The following AXDND1 variants were observed in gnomAD, a reference collection of about 807,000 sequenced individuals.
The protein encoded by AXDND1 is axonemal dynein light chain domain containing 1, also known as axonemal dynein light chain domain-containing protein 1.
AXDND1 carries 110 observed loss-of-function variants against 137.5 expected under a neutral mutation model. The ratio of observed to expected loss-of-function variants is 0.80; its 90% CI spans 0.69 to 0.94. The LOEUF (loss-of-function observed/expected upper bound fraction) is 0.94, where lower values mean the gene tolerates loss of function less well. Ranked by LOEUF, AXDND1 falls within the 40% of genes least tolerant of loss-of-function variation. The pLI, the probability that AXDND1 is intolerant of heterozygous loss-of-function variation, is 0.00. For missense variants in AXDND1, 1,191 were observed against 1,169.8 expected (o/e 1.02, Z -0.26); for synonymous variants, 414 against 399.7 (o/e 1.04, Z -0.43).
chr1:179,527,808 C>T (rs554192063), intron 22 of AXDND1, among the ~76,000 whole-genome samples: 19 of 152,240 alleles, frequency 1.2e-4, no homozygotes, highest in African/African-American at 4.6e-4. Context: ...GATAAGACCC[C>T]TTTTCTGGTA....
intron 11 of AXDND1, among the ~76,000 whole-genome samples, chr1:179,403,675 G>C (rs1251294842): frequency 6.6e-5 from 10 of 152,182 alleles, no homozygotes; most frequent in African/African-American, 2.4e-4. Flanking sequence ...CTGAATTCAA[G>C]TGATTCTCCT....
At chr1:179,546,498 TCTG>T (rs754542109) in intron 25 of AXDND1, among the ~76,000 whole-genome samples, 19 of 143,372 alleles carry the variant, frequency 1.3e-4, no homozygotes, top group Non-Finnish European at 2.5e-4. Context: ...GGGAGGAACT[TCTG>T]CTGCTCATCA....
intron 12 of AXDND1, among the ~76,000 whole-genome samples, chr1:179,422,222 T>C (rs1655858870): frequency 1.3e-5 from 2 of 152,198 alleles, no homozygotes; most frequent in South Asian, 4.1e-4. Flanking sequence ...TTCCCGTCTT[T>C]CTATCATTTT....
rs1046819029 is a variant in AXDND1 at position 179,372,085 on chromosome 1, G to A, written c.374+2007G>A. 3.9e-5 allele frequency among the ~76,000 whole-genome samples: 6 copies of A among 152,152 alleles called. 1 individual carries two copies. Among genetic ancestry groups the A allele is most frequent in the African/African-American group, 1.4e-4 (6 of 41,422 alleles). ...TAAGATGCTAAATTTGTGGTAATTT[G>A]TTATGGCACCAATAGAAAACTAATG... On this transcript the variant is annotated intron_variant, in intron 4 of 25. Transcript: ENST00000367618.
chr1:179,502,867 G>A (rs533575333), intron 20 of AXDND1, among the ~76,000 whole-genome samples: 3 of 151,854 alleles, frequency 2.0e-5, no homozygotes, highest in East Asian at 1.9e-4. Flanking sequence ...AGGCTGAGAC[G>A]GGTGGATCAC....
At chr1:179,432,478 C>T (rs112732064) in intron 15 of AXDND1, 136 bp downstream of exon 15, 71 of 1,236,234 alleles carry the variant, frequency 5.7e-5, no homozygotes, top group African/African-American at 2.5e-4. Flanking sequence ...CAGGCTGGAG[C>T]GCAGTAGTGT....
intron 23 of AXDND1, among the ~76,000 whole-genome samples, chr1:179,531,405 T>C (rs113775262): frequency 1.2e-4 from 18 of 152,236 alleles, no homozygotes; most frequent in African/African-American, 3.9e-4. Context: ...AGTTTAGTAG[T>C]TTAGTTTTGG....
At chr1:179,438,184 A>C (rs1043684015) in intron 15 of AXDND1, among the ~76,000 whole-genome samples, 1 of 152,164 alleles carries the variant, frequency 6.6e-6, no homozygotes, top group African/African-American at 2.4e-5. Context: ...AAATAAATAC[A>C]TAAAAATAAA....
intron 12 of AXDND1, among the ~76,000 whole-genome samples, chr1:179,414,255 G>T (rs984164312): frequency 1.3e-4 from 20 of 151,738 alleles, no homozygotes; most frequent in Admixed American, 1.2e-3. Flanking sequence ...TGCAAAGAGG[G>T]AATAAATTTA....
intron 12 of AXDND1, among the ~76,000 whole-genome samples, chr1:179,426,443 G>A (rs1656581849): frequency 6.6e-6 from 1 of 152,080 alleles, no homozygotes; most frequent in Admixed American, 6.5e-5. Flanking sequence ...CTTAGCATAT[G>A]GGCAAACATA....
At chr1:179,432,444 GA>G in intron 15 of AXDND1, 102 bp downstream of exon 15, 6 of 1,370,886 alleles carry the variant, frequency 4.4e-6, no homozygotes, top group Non-Finnish European at 5.7e-6. Context: ...TTTTTTTTGG[GA>G]CGTTGTCTCA....
intron 15 of AXDND1, among the ~76,000 whole-genome samples, chr1:179,438,171 A>AATAAATACATAAATAC (rs113563095): frequency 2.6e-5 from 4 of 151,318 alleles, no homozygotes; most frequent in African/African-American, 9.7e-5. Flanking sequence ...TAAATAAATA[A>AATAAATACATAAATAC]ATAAATAAAT....
At chr1:179,384,458 A>G (rs765154347) in intron 8 of AXDND1, among the ~76,000 whole-genome samples, 25 of 152,278 alleles carry the variant, frequency 1.6e-4, no homozygotes, top group South Asian at 8.3e-4. Flanking sequence ...TATTTTATCA[A>G]TTGTCTCTGT....
intron 4 of AXDND1, among the ~76,000 whole-genome samples, chr1:179,371,857 G>T (rs1392199315): frequency 6.6e-6 from 1 of 152,142 alleles, no homozygotes; most frequent in African/African-American, 2.4e-5. Flanking sequence ...CAGCTCAGTC[G>T]CCAACTGTCA....
At chr1:179,518,385 CTT>C (rs71114530) in intron 21 of AXDND1, among the ~76,000 whole-genome samples, 1 of 145,146 alleles carries the variant, frequency 6.9e-6, no homozygotes, top group African/African-American at 2.6e-5. Flanking sequence ...TTTCCTTTTT[CTT>C]TTTTTTTTTT....
At chr1:179,490,547 CTAAA>C (rs1310099574) in intron 18 of AXDND1, among the ~76,000 whole-genome samples, 1 of 152,196 alleles carries the variant, frequency 6.6e-6, no homozygotes, top group Admixed American at 6.5e-5. Context: ...AAACCGCTTA[CTAAA>C]TATTTAATGT....
chr1:179,418,613 G>A (rs1292880614), intron 12 of AXDND1, among the ~76,000 whole-genome samples: 10 of 151,332 alleles, frequency 6.6e-5, no homozygotes, highest in East Asian at 2.0e-4. Flanking sequence ...CTGGCCGGGC[G>A]GGGGGCTGAC....
rs79912232 is a variant in AXDND1, at chr1:179,407,222, T to C, written c.1110-3924T>C. Among the ~76,000 whole-genome samples the C allele has an allele frequency of 8.6e-3, 1,311 of 152,054 alleles. 41 individuals are homozygous for C. The highest frequency in any genetic ancestry group is 0.056 in the Admixed American group (848 of 15,268). ...CAGAATTCTTGGCTAGCAGGGTTTTTTTTCTTTCTTTTTTTTTTTGTTTTG... is the reference window on the plus strand; with the variant it reads ...CAGAATTCTTGGCTAGCAGGGTTTTCTTTCTTTCTTTTTTTTTTTGTTTTG... On this transcript the variant is annotated intron_variant, in intron 11 of 25. Coordinates refer to ENST00000367618, the MANE Select transcript of AXDND1 (RefSeq NM_144696.6).
At chr1:179,471,207 G>A (rs770175185) in intron 17 of AXDND1, among the ~76,000 whole-genome samples, 1 of 152,014 alleles carries the variant, frequency 6.6e-6, no homozygotes, top group African/African-American at 2.4e-5. Flanking sequence ...TGATGTCTTC[G>A]CCTGGTGTTA....
Sources: allele counts gnomAD v4.1 joint callset (sites outside exome capture counted in the v4.1 genomes callset), GRCh38; gene constraint gnomAD v4.1.1; transcripts MANE v1.5; gene names NCBI Gene and HGNC (gene_info 2026-07-23, HGNC 2026-07-21).